Variants in ARHGEF11 observed in about 807,000 individuals in gnomAD.
ARHGEF11 encodes the protein Rho guanine nucleotide exchange factor 11, also known as Rho guanine exchange factor (GEF) 11.
In ARHGEF11, 55 loss-of-function variants were observed where a neutral mutation model predicts 193.7. That is an observed-to-expected ratio of 0.28 (90% CI 0.23 to 0.36). The LOEUF (loss-of-function observed/expected upper bound fraction) is 0.36, where lower values mean the gene tolerates loss of function less well. ARHGEF11 is among the 10% of genes least tolerant of loss of function. The probability of loss-of-function intolerance (pLI) is 1.00; values close to 1 mark genes in which losing one functional copy is unlikely to be tolerated. For missense variants in ARHGEF11, 1,723 were observed against 2,005.6 expected (o/e 0.86, Z 2.69); for synonymous variants, 693 against 768.0 (o/e 0.90, Z 1.62).
At chr1:156,941,229 C>T (rs574974587) in intron 35 of ARHGEF11, 143 bp downstream of exon 35, 17 of 705,538 alleles carry the variant, frequency 2.4e-5, no homozygotes, top group South Asian at 1.7e-4. Flanking sequence ...CTCTTCCTCC[C>T]GCCCTGTTTC....
At chr1:157,014,180 C>T (rs2102826019) in intron 1 of ARHGEF11, among the ~76,000 whole-genome samples, 1 of 152,244 alleles carries the variant, frequency 6.6e-6, no homozygotes, top group South Asian at 2.1e-4. Flanking sequence ...CCACCCTCTC[C>T]CTATCATTAG....
chr1:156,984,576 C>A (rs552579916), intron 2 of ARHGEF11, 139 bp from the exon 3 acceptor site: 2 of 614,490 alleles, frequency 3.3e-6, no homozygotes, highest in Non-Finnish European at 5.8e-6. Flanking sequence ...CTAGACTATT[C>A]CTGTCTAAAC....
At chr1:157,031,218 A>G (rs1338312296) in intron 1 of ARHGEF11, among the ~76,000 whole-genome samples, 1 of 152,148 alleles carries the variant, frequency 6.6e-6, no homozygotes, top group Admixed American at 6.5e-5. Flanking sequence ...TGAATTTTAA[A>G]ATTCCCATAG....
At chr1:156,943,807 G>C (rs1348525546) in intron 32 of ARHGEF11, 128 bp downstream of exon 32, 10 of 1,210,310 alleles carry the variant, frequency 8.3e-6, no homozygotes, top group South Asian at 1.5e-5. Context: ...GCTGGGTCAG[G>C]ACAGGAGGAA....
chr1:156,946,671 G>C lies in ARHGEF11; in HGVS notation c.2685C>G (p.Leu895=). The C allele has an allele frequency of 6.2e-7, 1 of 1,614,146 alleles. No homozygotes were observed. ...TKQRKESRFQ[L]FMQEAESHPQ... is the part of the protein sequence containing the mutation. ...ATGGCCAAGGACGCACCTGCATGAA[G>C]AGCTGGAATCGACTCTCCTTGCGTT... is the stretch of plus-strand genomic sequence containing the variant. Residue 895 remains leucine (L), a synonymous_variant, in exon 28 of 41, where the codon CTC becomes CTG. Coordinates refer to ENST00000368194, the MANE Select transcript of ARHGEF11 (RefSeq NM_198236.3).
intron 11 of ARHGEF11, 38 bp from the exon 12 acceptor site, chr1:156,963,632 T>C (rs1198380734): frequency 2.5e-6 from 4 of 1,604,760 alleles, no homozygotes; most frequent in Non-Finnish European, 3.4e-6. Context: ...TGAGAGGTTA[T>C]AGAGGACAGA....
chr1:156,999,292 T>G (rs1190371050), intron 1 of ARHGEF11, among the ~76,000 whole-genome samples: 1 of 152,160 alleles, frequency 6.6e-6, no homozygotes, highest in Non-Finnish European at 1.5e-5. Flanking sequence ...CCCCAGGCCA[T>G]ACAGCTATTA....
rs903992496 is a variant in ARHGEF11 at position 157,045,677 on chromosome 1, G to A, written c.-1347C>T. 2.0e-4 allele frequency among the ~76,000 whole-genome samples: 30 copies of A among 150,414 alleles called. No homozygotes were observed. Among genetic ancestry groups the A allele is most frequent in the African/African-American group, 6.8e-4 (28 of 41,236 alleles). On this transcript the variant is annotated 5_prime_UTR_variant, in exon 1 of 41. Transcript: ENST00000368194. Reference sequence around the variant, plus strand: ...TCCGGCCTTCGCGGCCGCTCGGGACGCCAGGCTCGGCGCACAGGGAAGGCT... The same window carrying A: ...TCCGGCCTTCGCGGCCGCTCGGGACACCAGGCTCGGCGCACAGGGAAGGCT...
At chr1:157,017,897 C>T (rs1669475450) in intron 1 of ARHGEF11, among the ~76,000 whole-genome samples, 2 of 151,986 alleles carry the variant, frequency 1.3e-5, no homozygotes. Flanking sequence ...GTAAAACTGT[C>T]ATATTTCCAG....
At chr1:156,988,217 G>A (rs1008204205) in intron 1 of ARHGEF11, among the ~76,000 whole-genome samples, 1 of 152,174 alleles carries the variant, frequency 6.6e-6, no homozygotes, top group Non-Finnish European at 1.5e-5. Flanking sequence ...GACAGGCAAG[G>A]TTGGAAGGTC....
At chr1:157,025,209 T>A (rs1451315946) in intron 1 of ARHGEF11, among the ~76,000 whole-genome samples, 2 of 152,204 alleles carry the variant, frequency 1.3e-5, no homozygotes, top group African/African-American at 4.8e-5. Context: ...TGGGCTGTGG[T>A]GCCTTTACTC....
intron 1 of ARHGEF11, among the ~76,000 whole-genome samples, chr1:157,015,265 G>A (rs1332455694): frequency 3.3e-5 from 5 of 152,204 alleles, no homozygotes; most frequent in Non-Finnish European, 5.9e-5. Context: ...GCCTAGATCT[G>A]AATCCTAGTT....
At chr1:156,945,964 C>G (rs1177819314) in intron 29 of ARHGEF11, 81 bp downstream of exon 29, 4 of 1,151,360 alleles carry the variant, frequency 3.5e-6, no homozygotes, top group Admixed American at 1.8e-5. Context: ...CAGTGACTTG[C>G]TAAGGTCACA....
intron 22 of ARHGEF11, among the ~76,000 whole-genome samples, chr1:156,949,524 C>A (rs2101970327): frequency 6.6e-6 from 1 of 152,326 alleles, no homozygotes; most frequent in South Asian, 2.1e-4. Context: ...TGTGCCCAAA[C>A]TGCCAGATGA....
intron 1 of ARHGEF11, among the ~76,000 whole-genome samples, chr1:157,007,056 T>C (rs1273107335): frequency 6.6e-6 from 1 of 152,056 alleles, no homozygotes; most frequent in Non-Finnish European, 1.5e-5. Context: ...ACTGACTGGG[T>C]AAATGAAGAG....
rs774935096 is a variant in ARHGEF11 at position 156,959,156 on chromosome 1, TCAGAGA to T, written c.1283-20_1283-15del. On this transcript the variant is annotated splice_polypyrimidine_tract_variant and intron_variant, in intron 15 of 40. Coordinates refer to ENST00000368194, the MANE Select transcript of ARHGEF11 (RefSeq NM_198236.3). ...GCAGGCGCGAGTCTGTAGTGGGAGATCAGAGAAAGCAGAGTGGATGGGGTACTGGGG... is the reference window on the plus strand; with the variant it reads ...GCAGGCGCGAGTCTGTAGTGGGAGATAAGCAGAGTGGATGGGGTACTGGGG... 6.2e-7 allele frequency: 1 copy of T among 1,612,902 alleles called. No homozygotes were observed. The highest frequency in any genetic ancestry group is 8.5e-7 in the Non-Finnish European group (1 of 1,179,224).
upstream of ARHGEF11, among the ~76,000 whole-genome samples, chr1:157,045,817 C>T (rs1177323734): frequency 6.6e-6 from 1 of 151,056 alleles, no homozygotes; most frequent in Non-Finnish European, 1.5e-5. Context: ...GGCGCAGGCC[C>T]GGCCGGCCGC....
intron 1 of ARHGEF11, among the ~76,000 whole-genome samples, chr1:156,988,527 G>T (rs1320933679): frequency 6.6e-6 from 1 of 152,178 alleles, no homozygotes; most frequent in East Asian, 1.9e-4. Context: ...CCACCAGGAA[G>T]CTGGTTTCCT....
intron 1 of ARHGEF11, among the ~76,000 whole-genome samples, chr1:157,033,973 T>A (rs1671605700): frequency 6.6e-6 from 1 of 152,198 alleles, no homozygotes; most frequent in Non-Finnish European, 1.5e-5. Context: ...AAGGGCAAGG[T>A]ATGCAGCATA....
Sources: gnomAD v4.1 joint callset for allele counts (sites outside exome capture counted in the v4.1 genomes callset) on GRCh38, gnomAD v4.1.1 for gene constraint, MANE v1.5 for transcripts, NCBI Gene and HGNC (gene_info 2026-07-23, HGNC 2026-07-21) for gene names.